ZNF569: variants seen among roughly 807,000 people sequenced by gnomAD.
ZNF569 encodes DNA-binding protein.
ZNF569 carries 38 observed loss-of-function variants against 56.3 expected under a neutral mutation model. The ratio of observed to expected loss-of-function variants is 0.68; its 90% CI spans 0.52 to 0.88. The LOEUF is 0.88. Among genes scored for constraint, ZNF569 ranks in the 40% least tolerant of loss-of-function variants. The pLI is 0.00. For synonymous variants in ZNF569, 241 were observed against 262.9 expected, an observed-to-expected ratio of 0.92 and a Z score of 0.81; for missense variants, 666 against 809.2, an observed-to-expected ratio of 0.82 and a Z score of 2.15.
At chr19:37,419,969 CTTTT>C (rs60568702) in intron 5 of ZNF569, among the ~76,000 whole-genome samples, 26 of 100,612 alleles carry the variant, frequency 2.6e-4, no homozygotes, top group East Asian at 1.5e-3. Flanking sequence ...TCTTTTCTTT[CTTTT>C]TTTTTTTTTT....
chr19:37,412,865 C>G lies in ZNF569; in HGVS notation c.1793G>C (p.Arg598Thr). 6.2e-7 allele frequency: 1 copy of G among 1,614,020 alleles called. No homozygotes were observed. Among genetic ancestry groups the G allele is most frequent in the Non-Finnish European group, 8.5e-7 (1 of 1,179,960 alleles). The change falls in exon 6 of 6, where the codon AGA (arginine) becomes ACA (threonine). Residue 598 changes from arginine to threonine, a missense_variant. Coordinates refer to ENST00000316950, the MANE Select transcript of ZNF569 (RefSeq NM_152484.3). ...SQRTSLIVHM[R>T]GHTGEKPYEC... ...ATAGGGTTTTTCACCTGTATGGCCT[C>G]TCATGTGCACAATAAGGGAAGTTCT...
intron 3 of ZNF569, among the ~76,000 whole-genome samples, chr19:37,433,187 G>A (rs1195180892): frequency 6.6e-6 from 1 of 152,062 alleles, no homozygotes; most frequent in South Asian, 2.1e-4. Context: ...AAAATGCTAG[G>A]ATTGTAGGCA....
chr19:37,429,469 G>T (rs1260039895), intron 3 of ZNF569, among the ~76,000 whole-genome samples: 1 of 152,238 alleles, frequency 6.6e-6, no homozygotes, highest in Non-Finnish European at 1.5e-5. Context: ...TTTAAGCAAA[G>T]GTTATCTGGG....
chr19:37,432,732 G>C (rs1184784535), intron 3 of ZNF569, among the ~76,000 whole-genome samples: 1 of 152,170 alleles, frequency 6.6e-6, no homozygotes, highest in African/African-American at 2.4e-5. Flanking sequence ...CTTTCAGATA[G>C]AGAATTCAGA....
intron 3 of ZNF569, among the ~76,000 whole-genome samples, chr19:37,441,847 G>C (rs1420342946): frequency 6.6e-6 from 1 of 152,144 alleles, no homozygotes; most frequent in Non-Finnish European, 1.5e-5. Context: ...ATCAGCCACT[G>C]AATGTCCTGA....
chr19:37,464,942 A>G (rs1169796796), intron 2 of ZNF569, among the ~76,000 whole-genome samples: 1 of 152,150 alleles, frequency 6.6e-6, no homozygotes, highest in Non-Finnish European at 1.5e-5. Flanking sequence ...CTCAGAGGAA[A>G]AGCCAAAATT....
chr19:37,431,860 T>C (rs1261745961), intron 3 of ZNF569, among the ~76,000 whole-genome samples: 1 of 152,108 alleles, frequency 6.6e-6, no homozygotes, highest in Non-Finnish European at 1.5e-5. Flanking sequence ...GAAGAGCCCT[T>C]GGGCCTGGAA....
At chr19:37,467,967 G>A, upstream of ZNF569, 1 of 1,535,378 alleles carries the variant, frequency 6.5e-7, no homozygotes, top group Non-Finnish European at 8.7e-7. Flanking sequence ...ACCCGGGATC[G>A]TGAGCGAAAA....
chr19:37,463,196 G>C (rs1450800851), intron 2 of ZNF569, among the ~76,000 whole-genome samples: 1 of 152,130 alleles, frequency 6.6e-6, no homozygotes, highest in Non-Finnish European at 1.5e-5. Flanking sequence ...CTCTGGTCCA[G>C]ATCACCAATA....
intron 2 of ZNF569, among the ~76,000 whole-genome samples, chr19:37,462,543 C>T (rs2041772204): frequency 6.6e-6 from 1 of 152,104 alleles, no homozygotes; most frequent in Non-Finnish European, 1.5e-5. Context: ...AAATGAATTT[C>T]ATGTTGCCAA....
At chr19:37,442,983 C>T (rs1600327418) in intron 3 of ZNF569, among the ~76,000 whole-genome samples, 1 of 152,172 alleles carries the variant, frequency 6.6e-6, no homozygotes, top group East Asian at 1.9e-4. Flanking sequence ...CGCTGTGTTA[C>T]ACAGGTATGT....
rs775835267 is a variant in ZNF569 at position 37,413,075 on chromosome 19, C to G, written c.1583G>C (p.Gly528Ala). The G allele has an allele frequency of 6.2e-7, 1 of 1,613,976 alleles. No homozygotes were observed. Among genetic ancestry groups the G allele is most frequent in the Non-Finnish European group, 8.5e-7 (1 of 1,179,920 alleles). Residue 528 changes from glycine (G) to alanine (A), a missense_variant, in exon 6 of 6, where the codon GGT becomes GCT. Transcript: ENST00000316950. ...GGATGCAATTTGAGAGAAGGCTTTACCACATTCATTACAATCATAAGGTTT... is the reference window on the plus strand; with the variant it reads ...GGATGCAATTTGAGAGAAGGCTTTAGCACATTCATTACAATCATAAGGTTT... ...GEKPYDCNEC[G>A]KAFSQIASLT...
In ZNF569 at chr19:37,412,670, T is replaced by C. The variant is rs1259840880; in HGVS notation, c.1988A>G (p.His663Arg). Residue 663 changes from histidine to arginine, a missense_variant, in exon 6 of 6, where the codon CAC (histidine) becomes CGC (arginine). His to Arg is a conservative substitution (Grantham distance 29). Coordinates refer to ENST00000316950, the MANE Select transcript of ZNF569 (RefSeq NM_152484.3). ...GAAAGCCTTGCCACACTCAATACAG[T>C]GATAGGGCTTCTCACCTGTATGTTT... Reference protein sequence around the residue: ...MRKHTGEKPYHCIECGKAFSQ... With the variant: ...MRKHTGEKPYRCIECGKAFSQ... The C allele has an allele frequency of 6.2e-7, 1 of 1,613,954 alleles. No individual in the cohort carries two copies. The highest frequency in any genetic ancestry group is 8.5e-7 in the Non-Finnish European group (1 of 1,179,956).
intron 2 of ZNF569, among the ~76,000 whole-genome samples, chr19:37,449,452 C>A (rs2041555638): frequency 6.6e-6 from 1 of 152,082 alleles, no homozygotes; most frequent in Admixed American, 6.5e-5. Flanking sequence ...GTTTTAAGTC[C>A]CCAACTATAA....
At chr19:37,463,987 AAAGTTC>A (rs1279130457) in intron 2 of ZNF569, among the ~76,000 whole-genome samples, 2 of 152,186 alleles carry the variant, frequency 1.3e-5, no homozygotes, top group African/African-American at 4.8e-5. Flanking sequence ...AAAAAATTTA[AAAGTTC>A]ATGAAGTAAA....
rs371675719 is a variant in ZNF569 at position 37,438,714 on chromosome 19, C to T, written c.15+6193G>A. Among the ~76,000 whole-genome samples the T allele has an allele frequency of 4.6e-5, 7 of 152,114 alleles. No individual in the cohort carries two copies. The East Asian group carries it at 1.2e-3, about 25-fold the overall frequency. ...GGCAAAGGTTCCTTGAGTAATATCC[C>T]GTAAGCACAGGTAGCCAAAGCAAAA... On this transcript the variant is annotated intron_variant, in intron 3 of 5. Coordinates refer to ENST00000316950, the MANE Select transcript of ZNF569 (RefSeq NM_152484.3).
intron 5 of ZNF569, among the ~76,000 whole-genome samples, chr19:37,420,848 C>A (rs971378508): frequency 6.6e-6 from 1 of 152,166 alleles, no homozygotes; most frequent in African/African-American, 2.4e-5. Context: ...GGAATCATTA[C>A]CTATGGAAGC....
intron 3 of ZNF569, among the ~76,000 whole-genome samples, chr19:37,443,348 AAAAAC>A (rs960319284): frequency 4.1e-4 from 63 of 152,322 alleles, no homozygotes; most frequent in African/African-American, 1.5e-3. Flanking sequence ...CCAAAACACA[AAAAAC>A]AAACAAAAAA....
At chr19:37,448,105 A>G (rs1019350306) in intron 2 of ZNF569, among the ~76,000 whole-genome samples, 7 of 152,280 alleles carry the variant, frequency 4.6e-5, no homozygotes, top group Admixed American at 3.9e-4. Context: ...AATCAGATGA[A>G]AAGTCTTCCT....
Sources: allele counts gnomAD v4.1 joint callset (sites outside exome capture counted in the v4.1 genomes callset), GRCh38; gene constraint gnomAD v4.1.1; transcripts MANE v1.5; gene names NCBI Gene and HGNC (gene_info 2026-07-23, HGNC 2026-07-21).